EYS: variants seen among roughly 807,000 people sequenced by gnomAD.
EYS encodes EGF-like photoreceptor maintenance factor.
Under a neutral mutation model 282.1 loss-of-function variants are expected in EYS, and 250 were observed. The ratio of observed to expected loss-of-function variants is 0.89; its 90% CI spans 0.80 to 0.98. The LOEUF is 0.98. Ranked by LOEUF, EYS falls within the 50% of genes least tolerant of loss-of-function variation. The pLI is 0.00. For missense variants in EYS, 4,016 were observed against 3,709.0 expected, an observed-to-expected ratio of 1.08 and a Z score of -2.15; for synonymous variants, 1,355 against 1,282.9, an observed-to-expected ratio of 1.06 and a Z score of -1.20.
intron 37 of EYS, 118 bp downstream of exon 37, chr6:63,806,072 G>T: frequency 1.3e-6 from 1 of 795,764 alleles, no homozygotes; most frequent in East Asian, 2.7e-5. Flanking sequence ...AAAACAGGAG[G>T]AGGCTGCATC....
At position 65,110,250 on chromosome 6, in the gene EYS, C is replaced by T. The variant is rs1182654432; in HGVS notation, c.2024-52523G>A. On this transcript the variant is annotated intron_variant, in intron 12 of 42. Coordinates refer to ENST00000503581, the MANE Select transcript of EYS (RefSeq NM_001142800.2). ...CCGTTTACATTGTTCATTCATTAAT[C>T]ATTTAATGACCCGTAACTATGTTCC... Among the ~76,000 whole-genome samples, 3 of 152,128 alleles carry T rather than the reference C, an allele frequency of 2.0e-5. No homozygotes were observed. In the East Asian group the frequency reaches 5.8e-4, roughly 29 times the overall value.
intron 32 of EYS, among the ~76,000 whole-genome samples, chr6:64,072,161 G>A (rs1213733593): frequency 6.6e-6 from 1 of 151,846 alleles, no homozygotes. Context: ...TAAAACAACA[G>A]CATTAAAGAT....
chr6:64,471,530 A>G (rs968422469), intron 26 of EYS, among the ~76,000 whole-genome samples: 2 of 150,268 alleles, frequency 1.3e-5, no homozygotes, highest in Non-Finnish European at 3.0e-5. Context: ...TTAACAAAGG[A>G]GTTAAAAGAC....
At chr6:64,799,409 A>G (rs1774463787) in intron 22 of EYS, among the ~76,000 whole-genome samples, 1 of 151,814 alleles carries the variant, frequency 6.6e-6, no homozygotes, top group Non-Finnish European at 1.5e-5. Flanking sequence ...AACTTTATGT[A>G]CTTGTAGTGT....
intron 31 of EYS, among the ~76,000 whole-genome samples, chr6:64,186,888 G>A (rs996182023): frequency 3.3e-5 from 5 of 152,140 alleles, no homozygotes; most frequent in South Asian, 4.1e-4. Context: ...ATAAGCGACC[G>A]CTTTCCATAC....
chr6:65,583,940 C>T (rs1328288974), intron 2 of EYS, among the ~76,000 whole-genome samples: 3 of 150,368 alleles, frequency 2.0e-5, no homozygotes, highest in African/African-American at 7.4e-5. Context: ...TATGACCTAA[C>T]ATATCTTATG....
chr6:64,933,080 A>G (rs1768781305), intron 15 of EYS, among the ~76,000 whole-genome samples: 1 of 152,084 alleles, frequency 6.6e-6, no homozygotes, highest in Non-Finnish European at 1.5e-5. Flanking sequence ...GGACACCCGA[A>G]TATTGGATTT....
chr6:63,846,029 G>A (rs1772089438), intron 36 of EYS, among the ~76,000 whole-genome samples: 1 of 152,066 alleles, frequency 6.6e-6, no homozygotes, highest in Non-Finnish European at 1.5e-5. Flanking sequence ...AAAGGAGAGA[G>A]GTTTAATGGC....
chr6:64,432,797 A>G (rs1291614494), intron 28 of EYS, among the ~76,000 whole-genome samples: 1 of 151,962 alleles, frequency 6.6e-6, no homozygotes, highest in Non-Finnish European at 1.5e-5. Context: ...ACCCATTTGC[A>G]TTTTGCTTCA....
At chr6:64,441,712 A>T (rs1774955563) in intron 26 of EYS, among the ~76,000 whole-genome samples, 2 of 152,140 alleles carry the variant, frequency 1.3e-5, no homozygotes, top group Admixed American at 1.3e-4. Flanking sequence ...AATGGGTCTC[A>T]TGAGATCTGA....
At chr6:64,582,166 T>C (rs1766090647) in intron 26 of EYS, among the ~76,000 whole-genome samples, 1 of 152,136 alleles carries the variant, frequency 6.6e-6, no homozygotes, top group African/African-American at 2.4e-5. Flanking sequence ...ATAGATAATA[T>C]GTAAACCAGT....
At chr6:64,278,366 G>T (rs960178037) in intron 30 of EYS, among the ~76,000 whole-genome samples, 2 of 151,910 alleles carry the variant, frequency 1.3e-5, no homozygotes, top group Non-Finnish European at 2.9e-5. Context: ...TTTTAATAAT[G>T]AAATTATTCA....
intron 12 of EYS, among the ~76,000 whole-genome samples, chr6:65,092,893 A>G (rs757291390): frequency 2.0e-4 from 31 of 152,158 alleles, no homozygotes; most frequent in Non-Finnish European, 4.0e-4. Context: ...ATAAAAAGAG[A>G]AAAAGGCAGA....
chr6:65,362,632 A>G (rs1409370680), intron 8 of EYS, among the ~76,000 whole-genome samples: 1 of 151,786 alleles, frequency 6.6e-6, no homozygotes, highest in Non-Finnish European at 1.5e-5. Context: ...ATGTATATGC[A>G]TGTGTATATA....
chr6:64,007,408 T>C (rs1226374405), intron 33 of EYS, among the ~76,000 whole-genome samples: 2 of 151,908 alleles, frequency 1.3e-5, no homozygotes, highest in African/African-American at 4.8e-5. Context: ...TACCTAGCAG[T>C]CTGTCAATCT....
rs201317982 is a variant in EYS at position 64,112,825 on chromosome 6, G to C, written c.6425-30823C>G. 1.3e-4 allele frequency among the ~76,000 whole-genome samples: 20 copies of C among 149,398 alleles called. No homozygotes were observed. In the East Asian group the frequency reaches 2.1e-3, roughly 16 times the overall value. The stretch of plus-strand genomic sequence containing the variant: ...TATATCTCTCTATATATATCTTCAG[G>C]AAATTTGATTCTCCACTTTTTAGTA... On this transcript the variant is annotated intron_variant, in intron 31 of 42. Transcript: ENST00000503581.
chr6:64,752,578 T>G (rs1772794707), intron 22 of EYS, among the ~76,000 whole-genome samples: 3 of 152,158 alleles, frequency 2.0e-5, no homozygotes, highest in Admixed American at 2.0e-4. Flanking sequence ...TTGGACTATC[T>G]ATTTGAGGGA....
chr6:64,232,539 G>A (rs145971816), intron 30 of EYS, among the ~76,000 whole-genome samples: 2,276 of 152,044 alleles, frequency 0.015, 15 homozygotes, highest in East Asian at 0.033. Flanking sequence ...ACAGGCACCC[G>A]CCACCATGCC....
chr6:64,750,420 T>TA (rs5876920), intron 22 of EYS, among the ~76,000 whole-genome samples: 127,823 of 146,986 alleles, frequency 0.87, 57,019 homozygotes, highest in Non-Finnish European at 0.98. Flanking sequence ...AGAGGGAAAG[T>TA]AAAAAAAAAA....
Sources: gnomAD v4.1 joint callset for allele counts (sites outside exome capture counted in the v4.1 genomes callset) on GRCh38, gnomAD v4.1.1 for gene constraint, MANE v1.5 for transcripts, NCBI Gene and HGNC (gene_info 2026-07-23, HGNC 2026-07-21) for gene names.